Variants in TRPC4 observed in about 807,000 individuals in gnomAD.
The protein encoded by TRPC4 is short transient receptor potential channel 4.
A neutral mutation model predicts 99.4 loss-of-function variants in TRPC4; 49 were observed. The ratio of observed to expected loss-of-function variants is 0.49; its 90% CI spans 0.39 to 0.63. TRPC4 has a LOEUF of 0.63. Ranked by LOEUF, TRPC4 falls within the 20% of genes least tolerant of loss-of-function variation. The pLI, the probability that TRPC4 is intolerant of heterozygous loss-of-function variation, is 0.00. For synonymous variants in TRPC4, 454 were observed against 425.9 expected (o/e 1.07, Z -0.81); for missense variants, 898 against 1,152.9 (o/e 0.78, Z 3.20).
At chr13:37,677,368 T>A (rs948312067) in intron 4 of TRPC4, among the ~76,000 whole-genome samples, 5 of 151,944 alleles carry the variant, frequency 3.3e-5, no homozygotes, top group African/African-American at 1.2e-4. Flanking sequence ...AAATGTATGA[T>A]CTAAACACAC....
intron 2 of TRPC4, among the ~76,000 whole-genome samples, chr13:37,770,021 T>C (rs1177705781): frequency 6.6e-6 from 1 of 151,536 alleles, no homozygotes; most frequent in Non-Finnish European, 1.5e-5. Flanking sequence ...TTTGAATCCA[T>C]ATTTTTCTAG....
chr13:37,850,426 G>T (rs1441229238), intron 1 of TRPC4, among the ~76,000 whole-genome samples: 1 of 152,160 alleles, frequency 6.6e-6, no homozygotes, highest in African/African-American at 2.4e-5. Context: ...TTAAATGGTT[G>T]TTTAATTCCT....
chr13:37,758,072 T>C (rs1956138762), intron 2 of TRPC4, among the ~76,000 whole-genome samples: 1 of 152,000 alleles, frequency 6.6e-6, no homozygotes, highest in Non-Finnish European at 1.5e-5. Context: ...ACTTTTGGCT[T>C]CCATATTATT....
At chr13:37,794,895 A>G (rs1957208213) in intron 1 of TRPC4, among the ~76,000 whole-genome samples, 1 of 152,194 alleles carries the variant, frequency 6.6e-6, no homozygotes, top group Admixed American at 6.6e-5. Context: ...TCAGATAAAC[A>G]CAATTAAGAG....
At chr13:37,730,565 A>G (rs1955210462) in intron 3 of TRPC4, among the ~76,000 whole-genome samples, 1 of 151,888 alleles carries the variant, frequency 6.6e-6, no homozygotes, top group African/African-American at 2.4e-5. Context: ...ATTTCCATTT[A>G]TATTATCAAA....
chr13:37,648,716 C>T (rs1172407955), intron 8 of TRPC4, among the ~76,000 whole-genome samples: 1 of 152,304 alleles, frequency 6.6e-6, no homozygotes, highest in East Asian at 1.9e-4. Flanking sequence ...GAATGAATCA[C>T]TACTTTAATA....
In TRPC4 at chr13:37,783,106, A is replaced by C; in HGVS notation, c.228T>G (p.Ile76Met). Residue 76 changes from isoleucine (I) to methionine (M), a missense_variant, in exon 2 of 11, where the codon ATT becomes ATG. Coordinates refer to ENST00000379705, the MANE Select transcript of TRPC4 (RefSeq NM_016179.4). ...GCTCCAAGTTCTCATTTTCAATTGC[A>C]ATGAGGAGAGCAGTTCTTCCGAGAG... ...IDPLGRTALL[I>M]AIENENLELI... 1 of 1,613,450 alleles carries C rather than the reference A, an allele frequency of 6.2e-7. No individual in the cohort carries two copies. Among genetic ancestry groups the C allele is most frequent in the Non-Finnish European group, 8.5e-7 (1 of 1,179,732 alleles).
chr13:37,797,500 A>T (rs1000982388), intron 1 of TRPC4, among the ~76,000 whole-genome samples: 4 of 152,196 alleles, frequency 2.6e-5, no homozygotes, highest in Non-Finnish European at 5.9e-5. Context: ...AGTATTTAAC[A>T]TCCTGAAAAC....
At chr13:37,701,270 A>G (rs1005816904) in intron 3 of TRPC4, among the ~76,000 whole-genome samples, 2 of 152,118 alleles carry the variant, frequency 1.3e-5, no homozygotes, top group Non-Finnish European at 2.9e-5. Context: ...TCTTTGGCGT[A>G]ATTTTATTTT....
At chr13:37,799,272 G>A (rs1040532181) in intron 1 of TRPC4, among the ~76,000 whole-genome samples, 3 of 152,078 alleles carry the variant, frequency 2.0e-5, no homozygotes, top group African/African-American at 7.2e-5. Context: ...CCTGGTCAAT[G>A]CTGTGCCCTT....
At chr13:37,822,641 G>T (rs1958050292) in intron 1 of TRPC4, among the ~76,000 whole-genome samples, 2 of 151,730 alleles carry the variant, frequency 1.3e-5, no homozygotes, top group South Asian at 4.1e-4. Context: ...TGGTGTATAT[G>T]TGCCACATTT....
chr13:37,741,127 C>T (rs918840830), intron 3 of TRPC4, among the ~76,000 whole-genome samples: 3 of 152,108 alleles, frequency 2.0e-5, no homozygotes, highest in Admixed American at 2.0e-4. Context: ...TTTTATTTGA[C>T]ATCTAGGCTA....
At chr13:37,842,357 A>T (rs1356783045) in intron 1 of TRPC4, among the ~76,000 whole-genome samples, 2 of 144,634 alleles carry the variant, frequency 1.4e-5, no homozygotes, top group African/African-American at 5.1e-5. Flanking sequence ...AAAAAAAAAA[A>T]AAAAAAAAAA....
At chr13:37,662,454 A>G (rs7337477) in intron 6 of TRPC4, among the ~76,000 whole-genome samples, 55,346 of 152,126 alleles carry the variant, frequency 0.36, 10,455 homozygotes, top group African/African-American at 0.41. Context: ...TAAATATTGG[A>G]GCTAAGATAA....
rs187646314 is a variant in TRPC4, at chr13:37,755,198, T to G, written c.379-8743A>C. 2.4e-3 allele frequency among the ~76,000 whole-genome samples: 364 copies of G among 152,032 alleles called. 3 individuals carry two copies. The highest frequency in any genetic ancestry group is 0.014 in the Middle Eastern group (4 of 294). On this transcript the variant is annotated intron_variant, in intron 2 of 10. Coordinates refer to ENST00000379705, the MANE Select transcript of TRPC4 (RefSeq NM_016179.4). ...GTTATATTGAGTAAAAACAATTTAC[T>G]GACATAATACTGTTTGGCATACACT...
At chr13:37,857,141 T>C (rs1959180848) in intron 1 of TRPC4, among the ~76,000 whole-genome samples, 1 of 151,136 alleles carries the variant, frequency 6.6e-6, no homozygotes, top group Non-Finnish European at 1.5e-5. Context: ...CAGTAAACAA[T>C]CTGACAAAGA....
At chr13:37,646,022 G>C (rs1253568300) in intron 8 of TRPC4, among the ~76,000 whole-genome samples, 1 of 152,232 alleles carries the variant, frequency 6.6e-6, no homozygotes, top group Non-Finnish European at 1.5e-5. Context: ...GCGTCCTAAA[G>C]ATTAGGGAGC....
intron 1 of TRPC4, among the ~76,000 whole-genome samples, chr13:37,837,884 C>A (rs145845846): frequency 0.065 from 9,939 of 152,190 alleles, 425 homozygotes; most frequent in Middle Eastern, 0.12. Flanking sequence ...GGGAGGGACC[C>A]AGTGGGAGAT....
intron 3 of TRPC4, among the ~76,000 whole-genome samples, chr13:37,735,073 T>C (rs1955354969): frequency 6.6e-6 from 1 of 152,152 alleles, no homozygotes; most frequent in East Asian, 1.9e-4. Context: ...TTCAGCATCA[T>C]GAACTGCCAA....
Sources: allele counts gnomAD v4.1 joint callset (sites outside exome capture counted in the v4.1 genomes callset), GRCh38; gene constraint gnomAD v4.1.1; transcripts MANE v1.5; gene names NCBI Gene and HGNC (gene_info 2026-07-23, HGNC 2026-07-21).